Variants in FHIT observed in about 807,000 individuals in gnomAD.
The protein encoded by FHIT is fragile histidine triad diadenosine triphosphatase, also known as bis(5'-adenosyl)-triphosphatase.
A neutral mutation model predicts 17.9 loss-of-function variants in FHIT; 19 were observed. The observed-to-expected ratio is 1.06, with a 90% confidence interval of 0.74 to 1.56. FHIT has a LOEUF of 1.56. Ranked by LOEUF, FHIT falls within the 40% of genes most tolerant of loss-of-function variation. FHIT has a pLI of 0.00. For synonymous variants in FHIT, 81 were observed against 69.7 expected, an observed-to-expected ratio of 1.16 and a Z score of -0.81; for missense variants, 248 against 189.2, an observed-to-expected ratio of 1.31 and a Z score of -1.82.
chr3:61,150,553 G>A (rs1560022102), intron 2 of FHIT, among the ~76,000 whole-genome samples: 2 of 152,114 alleles, frequency 1.3e-5, no homozygotes, highest in East Asian at 3.9e-4. Context: ...AAATGATCCT[G>A]TATCCCTCAT....
At chr3:60,759,438 T>C (rs1432943412) in intron 4 of FHIT, among the ~76,000 whole-genome samples, 6 of 152,060 alleles carry the variant, frequency 3.9e-5, no homozygotes, top group African/African-American at 1.2e-4. Flanking sequence ...AAGCTAGAGA[T>C]AGAGATTTCG....
intron 2 of FHIT, among the ~76,000 whole-genome samples, chr3:61,168,172 A>T (rs1490205608): frequency 2.0e-5 from 3 of 152,174 alleles, no homozygotes; most frequent in Admixed American, 2.0e-4. Flanking sequence ...CCAATAAATA[A>T]AATGCCATTG....
intron 3 of FHIT, among the ~76,000 whole-genome samples, chr3:60,893,958 C>T (rs564104537): frequency 1.2e-4 from 19 of 152,318 alleles, no homozygotes; most frequent in Non-Finnish European, 2.4e-4. Flanking sequence ...GAGGCCCATT[C>T]TAGAATAATG....
intron 5 of FHIT, among the ~76,000 whole-genome samples, chr3:60,534,456 AAAAAAAAG>A (rs1157231562): frequency 0.018 from 2,559 of 141,658 alleles, 102 homozygotes; most frequent in African/African-American, 0.064. Flanking sequence ...AAAAAAAAAA[AAAAAAAAG>A]ATGCGTCTCC....
chr3:60,196,505 T>A (rs1702646099), intron 5 of FHIT, among the ~76,000 whole-genome samples: 1 of 152,082 alleles, frequency 6.6e-6, no homozygotes, highest in African/African-American at 2.4e-5. Context: ...TATCCCAAAA[T>A]TTTTAACCTA....
At chr3:59,985,455 T>C (rs758111148) in intron 7 of FHIT, among the ~76,000 whole-genome samples, 2 of 152,188 alleles carry the variant, frequency 1.3e-5, no homozygotes, top group African/African-American at 2.4e-5. Context: ...AAGGACCAGT[T>C]ATCCCTATTC....
intron 5 of FHIT, among the ~76,000 whole-genome samples, chr3:60,073,278 T>C (rs752231724): frequency 9.2e-5 from 14 of 152,110 alleles, no homozygotes; most frequent in Non-Finnish European, 1.8e-4. Context: ...CCCTTTAATA[T>C]GTCACATTTT....
At chr3:60,059,702 A>T (rs769216152) in intron 5 of FHIT, among the ~76,000 whole-genome samples, 19 of 152,084 alleles carry the variant, frequency 1.2e-4, no homozygotes, top group Non-Finnish European at 2.6e-4. Flanking sequence ...TAACCCAAAT[A>T]TTCATTGCCC....
chr3:61,041,525 G>T (rs1032923236), intron 3 of FHIT, among the ~76,000 whole-genome samples: 3 of 151,836 alleles, frequency 2.0e-5, no homozygotes, highest in African/African-American at 7.3e-5. Flanking sequence ...TGTGATCATG[G>T]ATATTAATCA....
At chr3:60,701,124 T>C (rs1192831951) in intron 4 of FHIT, among the ~76,000 whole-genome samples, 1 of 67,034 alleles carries the variant, frequency 1.5e-5, no homozygotes, top group Non-Finnish European at 3.3e-5. Context: ...GAAAAGACCC[T>C]TTTTTTTTTT....
intron 4 of FHIT, among the ~76,000 whole-genome samples, chr3:60,818,302 T>C (rs1400480886): frequency 6.6e-6 from 1 of 152,176 alleles, no homozygotes; most frequent in Admixed American, 6.5e-5. Context: ...TAGCGTGTAA[T>C]TTGGGGTTGT....
chr3:60,628,982 T>C (rs1351822029), intron 4 of FHIT, among the ~76,000 whole-genome samples: 7 of 151,644 alleles, frequency 4.6e-5, no homozygotes, highest in African/African-American at 1.7e-4. Flanking sequence ...AATCTGCCTA[T>C]GAGTAAGCTG....
intron 5 of FHIT, among the ~76,000 whole-genome samples, chr3:60,138,006 A>C (rs539002673): frequency 6.6e-6 from 1 of 152,268 alleles, no homozygotes; most frequent in East Asian, 1.9e-4. Flanking sequence ...AGGGCTATTC[A>C]ATTGTCTAGT....
At chr3:60,010,093 C>T (rs1700082868) in intron 7 of FHIT, among the ~76,000 whole-genome samples, 1 of 152,122 alleles carries the variant, frequency 6.6e-6, no homozygotes, top group African/African-American at 2.4e-5. Context: ...TCTAACTAAT[C>T]CGGTATAGTT....
chr3:60,117,287 T>C (rs1705008905), intron 5 of FHIT, among the ~76,000 whole-genome samples: 1 of 151,828 alleles, frequency 6.6e-6, no homozygotes, highest in Non-Finnish European at 1.5e-5. Flanking sequence ...GGGTAAATAG[T>C]AGAATAGGTT....
intron 4 of FHIT, among the ~76,000 whole-genome samples, chr3:60,647,313 C>G (rs908875184): frequency 3.9e-5 from 6 of 152,142 alleles, no homozygotes; most frequent in Non-Finnish European, 8.8e-5. Context: ...CACAGAAAGT[C>G]ATAATGGGGT....
At chr3:60,696,278 A>T (rs900895277) in intron 4 of FHIT, among the ~76,000 whole-genome samples, 1 of 152,188 alleles carries the variant, frequency 6.6e-6, no homozygotes, top group African/African-American at 2.4e-5. Context: ...CCTTCTAGAA[A>T]GGAAGTTCTC....
intron 3 of FHIT, among the ~76,000 whole-genome samples, chr3:60,943,441 T>C (rs1043576906): frequency 5.3e-5 from 8 of 152,172 alleles, no homozygotes; most frequent in Non-Finnish European, 4.4e-5. Context: ...TTGAATGATA[T>C]TTATATGATG....
chr3:60,533,548 G>A (rs1006140140), intron 5 of FHIT, among the ~76,000 whole-genome samples: 1 of 152,220 alleles, frequency 6.6e-6, no homozygotes, highest in East Asian at 1.9e-4. Context: ...AGTACTGAAT[G>A]AATCAACATG....
Sources: allele counts gnomAD v4.1 joint callset (sites outside exome capture counted in the v4.1 genomes callset), GRCh38; gene constraint gnomAD v4.1.1; transcripts MANE v1.5; gene names NCBI Gene and HGNC (gene_info 2026-07-23, HGNC 2026-07-21).